The following TRABD2B variants were observed in gnomAD, a reference collection of about 807,000 sequenced individuals.
The protein encoded by TRABD2B is TraB domain containing 2B.
A neutral mutation model predicts 40.1 loss-of-function variants in TRABD2B; 14 were observed. The observed-to-expected ratio is 0.35, with a 90% CI of 0.23 to 0.55. TRABD2B has a LOEUF of 0.55. Ranked by LOEUF, TRABD2B falls within the 20% of genes least tolerant of loss-of-function variation. The pLI, the probability that TRABD2B is intolerant of heterozygous loss-of-function variation, is 0.90. For missense variants in TRABD2B, 541 were observed against 648.6 expected, an observed-to-expected ratio of 0.83 and a Z score of 1.80; for synonymous variants, 263 against 277.0, an observed-to-expected ratio of 0.95 and a Z score of 0.50.
intron 2 of TRABD2B, among the ~76,000 whole-genome samples, chr1:47,880,695 C>T (rs770671500): frequency 3.3e-5 from 5 of 152,184 alleles, no homozygotes; most frequent in Non-Finnish European, 5.9e-5. Flanking sequence ...TGGGGAGATG[C>T]TCCATGGGAG....
intron 2 of TRABD2B, among the ~76,000 whole-genome samples, chr1:47,992,912 GCTT>G (rs1047623568): frequency 3.5e-4 from 53 of 152,206 alleles, no homozygotes; most frequent in African/African-American, 1.2e-3. Flanking sequence ...AATCAATCTG[GCTT>G]CTTACCTCCC....
chr1:47,856,524 A>T (rs548581180), intron 2 of TRABD2B, among the ~76,000 whole-genome samples: 132 of 152,330 alleles, frequency 8.7e-4, no homozygotes, highest in African/African-American at 3.1e-3. Flanking sequence ...GTGGGCTGAG[A>T]GTCCCAGTCC....
At chr1:47,787,885 A>G (rs1644618458) in intron 4 of TRABD2B, among the ~76,000 whole-genome samples, 1 of 152,112 alleles carries the variant, frequency 6.6e-6, no homozygotes, top group Non-Finnish European at 1.5e-5. Context: ...TGATAGCAAA[A>G]TCCTGGAGGC....
chr1:47,863,394 A>ATATATATATATATATATAT (rs1396681662), intron 2 of TRABD2B, among the ~76,000 whole-genome samples: 164 of 130,564 alleles, frequency 1.3e-3, no homozygotes, highest in East Asian at 1.9e-3. Context: ...ATATATATAT[A>ATATATATATATATATATAT]ATCTCTTAAA....
chr1:47,959,217 G>A (rs1333786470), intron 2 of TRABD2B, among the ~76,000 whole-genome samples: 2 of 152,094 alleles, frequency 1.3e-5, no homozygotes, highest in Non-Finnish European at 2.9e-5. Flanking sequence ...AAAGCACTGT[G>A]TAGAGGGAAA....
chr1:47,955,782 C>A (rs1645411618), intron 2 of TRABD2B, among the ~76,000 whole-genome samples: 1 of 152,218 alleles, frequency 6.6e-6, no homozygotes, highest in South Asian at 2.1e-4. Flanking sequence ...CAGGTCACTG[C>A]TGACTGTGCT....
intron 2 of TRABD2B, among the ~76,000 whole-genome samples, chr1:47,848,889 C>T (rs1345708627): frequency 6.6e-6 from 1 of 152,196 alleles, no homozygotes; most frequent in Non-Finnish European, 1.5e-5. Context: ...GTCACATGTC[C>T]TTAAGGATAT....
chr1:47,994,367 G>A lies in TRABD2B; in HGVS notation c.333C>T (p.Asp111=), dbSNP rs566922167. 4.5e-3 allele frequency: 6,967 copies of A among 1,536,182 alleles called. 21 individuals carry two copies. Among genetic ancestry groups the A allele is most frequent in the Non-Finnish European group, 5.6e-3 (6,473 of 1,146,918 alleles). ...GCCAGTAAAGCTCGTGGGGCAGCAC[G>A]TCCTGCAGGTTTTCCCCGTGCGGCA... ...QLLPHGENLQ[D]VLPHELYWRL... The change falls in exon 2 of 7, where the codon GAC becomes GAT. Residue 111 remains aspartate, a synonymous_variant. Transcript: ENST00000606738. This position sits in a 1 kb window ranked among gnomAD's most constrained non-coding sequence, Gnocchi z 6.7.
At chr1:47,796,475 T>C (rs925950908) in intron 3 of TRABD2B, among the ~76,000 whole-genome samples, 2 of 152,168 alleles carry the variant, frequency 1.3e-5, no homozygotes, top group African/African-American at 2.4e-5. Flanking sequence ...CACTGCAGTG[T>C]TGTCAACACT....
At chr1:47,947,750 C>G (rs955215644) in intron 2 of TRABD2B, among the ~76,000 whole-genome samples, 1 of 152,200 alleles carries the variant, frequency 6.6e-6, no homozygotes, top group African/African-American at 2.4e-5. Flanking sequence ...CTGACATGCA[C>G]TAACACAGGA....
intron 2 of TRABD2B, among the ~76,000 whole-genome samples, chr1:47,853,185 G>T (rs1392700897): frequency 6.6e-6 from 1 of 152,190 alleles, no homozygotes; most frequent in Non-Finnish European, 1.5e-5. Context: ...TCAAGCTGGG[G>T]AATGTCAAGA....
intron 2 of TRABD2B, among the ~76,000 whole-genome samples, chr1:47,918,005 A>G (rs1010215679): frequency 6.6e-6 from 1 of 152,308 alleles, no homozygotes. Context: ...TTGCATTTGG[A>G]AGAGCTGAAG....
At chr1:47,777,079 G>A (rs955522622) in intron 5 of TRABD2B, among the ~76,000 whole-genome samples, 1 of 152,148 alleles carries the variant, frequency 6.6e-6, no homozygotes, top group Non-Finnish European at 1.5e-5. Flanking sequence ...GCTGTGGAGG[G>A]CCCCCTCCCC....
chr1:47,946,664 A>ATT (rs1645264084), intron 2 of TRABD2B, among the ~76,000 whole-genome samples: 2 of 152,182 alleles, frequency 1.3e-5, no homozygotes, highest in Non-Finnish European at 2.9e-5. Context: ...TTTTGCATCA[A>ATT]TTTAATGACA....
chr1:47,858,378 C>T (rs1325814465), intron 2 of TRABD2B, among the ~76,000 whole-genome samples: 2 of 152,106 alleles, frequency 1.3e-5, no homozygotes, highest in African/African-American at 4.8e-5. Flanking sequence ...CCGCCTCAGC[C>T]TCTTGAGTAG....
intron 2 of TRABD2B, among the ~76,000 whole-genome samples, chr1:47,949,141 A>C (rs1570348567): frequency 6.6e-6 from 1 of 152,200 alleles, no homozygotes; most frequent in East Asian, 1.9e-4. Context: ...AGTAACTGCA[A>C]TTAATGCTAC....
At chr1:47,969,407 T>C (rs1645648990) in intron 2 of TRABD2B, among the ~76,000 whole-genome samples, 1 of 152,186 alleles carries the variant, frequency 6.6e-6, no homozygotes, top group Non-Finnish European at 1.5e-5. Flanking sequence ...CAGAGGGAGA[T>C]GAGACCACCA....
intron 6 of TRABD2B, among the ~76,000 whole-genome samples, chr1:47,773,130 C>T (rs894646874): frequency 2.0e-5 from 3 of 152,238 alleles, no homozygotes; most frequent in Admixed American, 2.0e-4. Flanking sequence ...TGGGCTGGCC[C>T]CACCACTGGC....
chr1:47,886,721 C>T (rs989876736), intron 2 of TRABD2B, among the ~76,000 whole-genome samples: 6 of 152,270 alleles, frequency 3.9e-5, no homozygotes, highest in African/African-American at 1.2e-4. Flanking sequence ...CACTGCCAGG[C>T]CCTGTGTTAG....
Sources: allele counts gnomAD v4.1 joint callset (sites outside exome capture counted in the v4.1 genomes callset), GRCh38; gene constraint gnomAD v4.1.1; non-coding constraint Gnocchi (gnomAD v3.1); transcripts MANE v1.5; gene names NCBI Gene and HGNC (gene_info 2026-07-23, HGNC 2026-07-21).